STT3B: variants seen among roughly 807,000 people sequenced by gnomAD.
STT3B encodes the protein STT3 oligosaccharyltransferase complex catalytic subunit B.
In STT3B, 29 loss-of-function variants were observed where a neutral mutation model predicts 96.8. That is an observed-to-expected ratio of 0.30 (90% CI 0.22 to 0.41). The LOEUF (loss-of-function observed/expected upper bound fraction) is 0.41, where lower values mean the gene tolerates loss of function less well. Among genes scored for constraint, STT3B ranks in the 10% least tolerant of loss-of-function variants. The pLI is 1.00. For missense variants in STT3B, 640 were observed against 1,022.3 expected (o/e 0.63, Z 5.10); for synonymous variants, 367 against 360.0 (o/e 1.02, Z -0.22).
intron 1 of STT3B, among the ~76,000 whole-genome samples, chr3:31,543,908 C>G (rs1363713880): frequency 1.3e-5 from 2 of 151,936 alleles, no homozygotes; most frequent in African/African-American, 4.8e-5. Context: ...AGAAGACAGA[C>G]CAGTTAATAT....
intron 9 of STT3B, 91 bp from the exon 10 acceptor site, chr3:31,622,006 T>C (rs1306538185): frequency 9.3e-6 from 7 of 749,182 alleles, no homozygotes; most frequent in Non-Finnish European, 1.5e-5. Context: ...ATTTATATAA[T>C]TCCAGGTTGG....
intron 1 of STT3B, among the ~76,000 whole-genome samples, chr3:31,553,279 C>T (rs1038920124): frequency 1.3e-5 from 2 of 151,966 alleles, no homozygotes; most frequent in Non-Finnish European, 2.9e-5. Flanking sequence ...GAAGTGAAAA[C>T]CTGTGTCCTT....
At chr3:31,579,064 C>A (rs969350905) in intron 2 of STT3B, among the ~76,000 whole-genome samples, 3 of 152,040 alleles carry the variant, frequency 2.0e-5, no homozygotes, top group Admixed American at 1.3e-4. Context: ...GGAAGAATGT[C>A]CTGTTCACTG....
At chr3:31,584,732 G>A (rs1225141284) in intron 3 of STT3B, among the ~76,000 whole-genome samples, 2 of 151,984 alleles carry the variant, frequency 1.3e-5, no homozygotes, top group African/African-American at 4.8e-5. Flanking sequence ...TAGGTTTACG[G>A]TGGAAATAGA....
chr3:31,582,173 T>A (rs1357369086), intron 3 of STT3B, among the ~76,000 whole-genome samples: 1 of 152,132 alleles, frequency 6.6e-6, no homozygotes, highest in Non-Finnish European at 1.5e-5. Flanking sequence ...GTTCTTTTTC[T>A]TTTCTCTCTT....
chr3:31,605,587 T>A, intron 5 of STT3B, among the ~76,000 whole-genome samples: 1 of 152,216 alleles, frequency 6.6e-6, no homozygotes, highest in East Asian at 1.9e-4. Context: ...TGCTGCCATG[T>A]AAGATGTGCC....
chr3:31,565,972 A>G (rs1362987726), intron 1 of STT3B, among the ~76,000 whole-genome samples: 3 of 152,210 alleles, frequency 2.0e-5, no homozygotes, highest in Non-Finnish European at 4.4e-5. Flanking sequence ...TTAAACATAT[A>G]TAGATATAGA....
chr3:31,575,871 C>T (rs920077686), intron 1 of STT3B, among the ~76,000 whole-genome samples: 1 of 151,906 alleles, frequency 6.6e-6, no homozygotes, highest in Non-Finnish European at 1.5e-5. Flanking sequence ...TTCTGCCTTT[C>T]ATTTTGGGCC....
At chr3:31,538,102 T>C (rs1216309579) in intron 1 of STT3B, among the ~76,000 whole-genome samples, 1 of 152,170 alleles carries the variant, frequency 6.6e-6, no homozygotes, top group Non-Finnish European at 1.5e-5. Flanking sequence ...GAAAGTTGAA[T>C]TTTATAGTGA....
At chr3:31,604,799 G>C (rs573245472) in intron 5 of STT3B, among the ~76,000 whole-genome samples, 8 of 152,228 alleles carry the variant, frequency 5.3e-5, no homozygotes, top group African/African-American at 1.9e-4. Flanking sequence ...AGAATTTGTG[G>C]TAATGTAACC....
At chr3:31,594,801 G>T (rs964140181) in intron 3 of STT3B, among the ~76,000 whole-genome samples, 1 of 152,136 alleles carries the variant, frequency 6.6e-6, no homozygotes, top group African/African-American at 2.4e-5. Flanking sequence ...GGCTTATTAT[G>T]AAAGATACCC....
At chr3:31,553,057 G>A (rs1362119324) in intron 1 of STT3B, among the ~76,000 whole-genome samples, 4 of 147,914 alleles carry the variant, frequency 2.7e-5, no homozygotes, top group Non-Finnish European at 4.5e-5. Flanking sequence ...AGTCGAGATC[G>A]CGCCACTGCA....
chr3:31,630,350 C>G lies in STT3B; in HGVS notation c.2187+939C>G, dbSNP rs1175339873. ...CATTAGTTTCTCCCATATATGTACC[C>G]TTCTACTAGTTTCTCCCATATATGT... is the stretch of plus-strand genomic sequence containing the variant. On this transcript the variant is annotated intron_variant, in intron 14 of 15. Coordinates refer to ENST00000295770, the MANE Select transcript of STT3B (RefSeq NM_178862.3). Among the ~76,000 whole-genome samples, 4 of 152,174 alleles carry G rather than the reference C, an allele frequency of 2.6e-5. 1 individual carries two copies. The highest frequency in any genetic ancestry group is 5.9e-5 in the Non-Finnish European group (4 of 68,036).
At chr3:31,568,048 A>G (rs1698047234) in intron 1 of STT3B, among the ~76,000 whole-genome samples, 1 of 150,128 alleles carries the variant, frequency 6.7e-6, no homozygotes, top group African/African-American at 2.5e-5. Flanking sequence ...TCTGCTCTCT[A>G]TCTCCATGAG....
chr3:31,562,002 C>G lies in STT3B; in HGVS notation c.315-14394C>G, dbSNP rs185085007. ...ATGGGGTCAGGGATACCAGGTGTAA[C>G]AGTCTTTTGGACCCAGTGGTGGCAG... On this transcript the variant is annotated intron_variant, in intron 1 of 15. Coordinates refer to ENST00000295770, the MANE Select transcript of STT3B (RefSeq NM_178862.3). Among the ~76,000 whole-genome samples the G allele has an allele frequency of 2.3e-3, 356 of 152,214 alleles. 2 individuals carry two copies. The highest frequency in any genetic ancestry group is 8.1e-3 in the African/African-American group (337 of 41,524).
intron 15 of STT3B, 76 bp from the exon 16 acceptor site, chr3:31,635,907 TA>T: frequency 9.2e-7 from 1 of 1,087,206 alleles, no homozygotes; most frequent in Non-Finnish European, 1.3e-6. Flanking sequence ...CATAGTTCAG[TA>T]AACCATGTGT....
chr3:31,611,590 C>T (rs1477803870), intron 5 of STT3B, among the ~76,000 whole-genome samples: 2 of 152,022 alleles, frequency 1.3e-5, no homozygotes. Context: ...TCTGCCTCCC[C>T]AGTTCAAACG....
At chr3:31,537,785 A>G (rs934552020) in intron 1 of STT3B, among the ~76,000 whole-genome samples, 1 of 152,222 alleles carries the variant, frequency 6.6e-6, no homozygotes, top group Non-Finnish European at 1.5e-5. Context: ...GGGCTAACTT[A>G]ACTAGCCCTT....
intron 1 of STT3B, among the ~76,000 whole-genome samples, chr3:31,557,448 G>A (rs1488487220): frequency 6.6e-6 from 1 of 152,048 alleles, no homozygotes; most frequent in African/African-American, 2.4e-5. Flanking sequence ...CAATCTGTAT[G>A]TATACTGCTT....
Sources: gnomAD v4.1 joint callset for allele counts (sites outside exome capture counted in the v4.1 genomes callset) on GRCh38, gnomAD v4.1.1 for gene constraint, MANE v1.5 for transcripts, NCBI Gene and HGNC (gene_info 2026-07-23, HGNC 2026-07-21) for gene names.